Variants in SOX5 observed in about 807,000 individuals in gnomAD.
The protein encoded by SOX5 is SRY-box transcription factor 5.
Under a neutral mutation model 92.0 loss-of-function variants are expected in SOX5, and 9 were observed. That is an observed-to-expected ratio of 0.10 (90% CI 0.06 to 0.17). The LOEUF is 0.17. Among genes scored for constraint, SOX5 ranks in the 10% least tolerant of loss-of-function variants. The pLI, the probability that SOX5 is intolerant of heterozygous loss-of-function variation, is 1.00. For synonymous variants in SOX5, 344 were observed against 336.3 expected, an observed-to-expected ratio of 1.02 and a Z score of -0.25; for missense variants, 642 against 944.5, an observed-to-expected ratio of 0.68 and a Z score of 4.20.
chr12:23,714,388 G>A (rs1225421991), intron 6 of SOX5, among the ~76,000 whole-genome samples: 14 of 151,924 alleles, frequency 9.2e-5, no homozygotes, highest in Admixed American at 8.5e-4. Flanking sequence ...TTGGGAGGCC[G>A]AGGCAGGTGG....
intron 1 of SOX5, among the ~76,000 whole-genome samples, chr12:24,510,526 C>G (rs1178826794): frequency 1.3e-5 from 2 of 152,058 alleles, no homozygotes; most frequent in African/African-American, 4.8e-5. Context: ...AATAACCAGA[C>G]AGGAAGTAAA....
At chr12:23,717,441 T>G (rs1183427704) in intron 6 of SOX5, among the ~76,000 whole-genome samples, 1 of 152,184 alleles carries the variant, frequency 6.6e-6, no homozygotes, top group Non-Finnish European at 1.5e-5. Flanking sequence ...GACAAAAAAA[T>G]GTATTCTTAC....
intron 4 of SOX5, among the ~76,000 whole-genome samples, chr12:24,095,088 G>A (rs904304051): frequency 5.5e-4 from 36 of 65,800 alleles, no homozygotes; most frequent in Non-Finnish European, 7.7e-4. Flanking sequence ...TTCTAGCCCC[G>A]AAACACACAC....
chr12:24,514,963 G>T (rs1439878628), intron 1 of SOX5, among the ~76,000 whole-genome samples: 1 of 152,112 alleles, frequency 6.6e-6, no homozygotes, highest in Non-Finnish European at 1.5e-5. Context: ...TAATACCTGG[G>T]TGATGAAATA....
At chr12:23,811,402 TTCAA>T (rs1372025642) in intron 3 of SOX5, among the ~76,000 whole-genome samples, 1 of 152,150 alleles carries the variant, frequency 6.6e-6, no homozygotes, top group Non-Finnish European at 1.5e-5. Context: ...TTTTACCAAG[TTCAA>T]TACCTGCCCT....
chr12:23,653,861 C>G (rs1018211280), intron 7 of SOX5, among the ~76,000 whole-genome samples: 2 of 151,980 alleles, frequency 1.3e-5, no homozygotes, highest in Non-Finnish European at 2.9e-5. Flanking sequence ...CTAAGAGCAT[C>G]CTAAAGGGAG....
chr12:23,998,825 A>G (rs201427373), intron 4 of SOX5, among the ~76,000 whole-genome samples: 9,077 of 127,816 alleles, frequency 0.071, 210 homozygotes, highest in Non-Finnish European at 0.11. Context: ...AAAAAAAAAA[A>G]GGGGGGGCGA....
intron 1 of SOX5, among the ~76,000 whole-genome samples, chr12:24,410,706 C>T (rs1252534432): frequency 1.3e-5 from 2 of 152,194 alleles, no homozygotes; most frequent in African/African-American, 4.8e-5. Flanking sequence ...GAGTGTTGAT[C>T]ACTACAGTTA....
chr12:23,684,408 T>TCTTA (rs1472664176), intron 6 of SOX5, among the ~76,000 whole-genome samples: 1 of 152,022 alleles, frequency 6.6e-6, no homozygotes, highest in African/African-American at 2.4e-5. Context: ...AGATCTATTG[T>TCTTA]CTTACATAAA....
At chr12:23,584,777 T>C (rs1250106667) in intron 9 of SOX5, among the ~76,000 whole-genome samples, 1 of 151,986 alleles carries the variant, frequency 6.6e-6, no homozygotes, top group Non-Finnish European at 1.5e-5. Context: ...GATTAAACAT[T>C]AGAATGAGAC....
intron 3 of SOX5, among the ~76,000 whole-genome samples, chr12:23,817,107 G>A (rs1285247845): frequency 1.3e-5 from 2 of 152,154 alleles, no homozygotes; most frequent in African/African-American, 4.8e-5. Context: ...TAAAATTGGG[G>A]TTACAGTTAC....
intron 4 of SOX5, among the ~76,000 whole-genome samples, chr12:24,201,620 G>T (rs189223557): frequency 6.6e-6 from 1 of 152,200 alleles, no homozygotes; most frequent in Admixed American, 6.5e-5. Context: ...ACAAGCTGGT[G>T]TTGCACAGAA....
At chr12:24,340,936 C>A (rs912458861) in intron 2 of SOX5, among the ~76,000 whole-genome samples, 1 of 152,192 alleles carries the variant, frequency 6.6e-6, no homozygotes, top group South Asian at 2.1e-4. Flanking sequence ...AACAAGCCCA[C>A]TGATCCAATG....
At chr12:23,656,727 C>A (rs1374867457) in intron 7 of SOX5, among the ~76,000 whole-genome samples, 1 of 151,598 alleles carries the variant, frequency 6.6e-6, no homozygotes, top group Non-Finnish European at 1.5e-5. Flanking sequence ...AATACACAGG[C>A]TATTTTGCTA....
At chr12:24,358,246 A>C (rs949309585) in intron 2 of SOX5, among the ~76,000 whole-genome samples, 1 of 152,234 alleles carries the variant, frequency 6.6e-6, no homozygotes, top group East Asian at 1.9e-4. Flanking sequence ...TAGATACTAC[A>C]TTTAATTAGC....
intron 4 of SOX5, among the ~76,000 whole-genome samples, chr12:23,966,522 G>A (rs10842250): frequency 0.04 from 6,049 of 152,066 alleles, 572 homozygotes; most frequent in East Asian, 0.39. Context: ...AATTTAATTA[G>A]CAAATAGGCC....
At chr12:24,006,638 C>T (rs1322451105) in intron 4 of SOX5, among the ~76,000 whole-genome samples, 2 of 152,024 alleles carry the variant, frequency 1.3e-5, no homozygotes, top group African/African-American at 4.8e-5. Context: ...GACAAATCTG[C>T]CTGATCCTGT....
chr12:23,755,546 G>C lies in SOX5; in HGVS notation c.568+92C>G. 3 of 868,734 alleles carry C rather than the reference G, an allele frequency of 3.5e-6. No individual in the cohort carries two copies. In the South Asian group the frequency reaches 4.8e-5, roughly 14 times the overall value. The allele number at this position is 868,734 out of a possible 1,614,324, so 53.8% of individuals were successfully genotyped here. The stretch of plus-strand genomic sequence containing the variant: ...CACAGAGAATGCAAGAAGCAGAAGA[G>C]GTGAGGGCAGAAATACTTTATCACC... On this transcript the variant is annotated intron_variant, in intron 4 of 14. Coordinates refer to ENST00000451604, the MANE Select transcript of SOX5 (RefSeq NM_006940.6).
intron 1 of SOX5, among the ~76,000 whole-genome samples, chr12:24,524,918 C>A (rs1950571833): frequency 6.6e-6 from 1 of 152,100 alleles, no homozygotes; most frequent in Admixed American, 6.6e-5. Flanking sequence ...GAGCTAGGAT[C>A]CTGCCACTGC....
Sources: allele counts gnomAD v4.1 joint callset (sites outside exome capture counted in the v4.1 genomes callset), GRCh38; gene constraint gnomAD v4.1.1; transcripts MANE v1.5; gene names NCBI Gene and HGNC (gene_info 2026-07-23, HGNC 2026-07-21).